Variants in SYNCRIP observed in about 807,000 individuals in gnomAD.
SYNCRIP encodes the protein synaptotagmin binding cytoplasmic RNA interacting protein, also known as heterogeneous nuclear ribonucleoprotein Q.
A neutral mutation model predicts 68.9 loss-of-function variants in SYNCRIP; 9 were observed. The observed-to-expected ratio is 0.13, with a 90% CI of 0.08 to 0.23. The LOEUF (loss-of-function observed/expected upper bound fraction) is 0.23, where lower values mean the gene tolerates loss of function less well. Among genes scored for constraint, SYNCRIP ranks in the 10% least tolerant of loss-of-function variants. The probability of loss-of-function intolerance (pLI) is 1.00; values close to 1 mark genes in which losing one functional copy is unlikely to be tolerated. For synonymous variants in SYNCRIP, 258 were observed against 254.0 expected (o/e 1.02, Z -0.15); for missense variants, 414 against 770.6 (o/e 0.54, Z 5.48).
chr6:85,629,732 G>T (rs1368648449), intron 6 of SYNCRIP, among the ~76,000 whole-genome samples: 1 of 152,090 alleles, frequency 6.6e-6, no homozygotes, highest in Non-Finnish European at 1.5e-5. Context: ...TGAGGCAGAA[G>T]AATCGCTTGA....
intron 4 of SYNCRIP, among the ~76,000 whole-genome samples, chr6:85,640,000 T>C (rs1019396031): frequency 1.3e-5 from 2 of 152,156 alleles, no homozygotes; most frequent in Non-Finnish European, 2.9e-5. Flanking sequence ...GGACTACCAA[T>C]AGAACAGATT....
downstream of SYNCRIP, among the ~76,000 whole-genome samples, chr6:85,613,596 A>T (rs116637720): frequency 5.0e-3 from 761 of 152,320 alleles, 3 homozygotes; most frequent in African/African-American, 0.017. Flanking sequence ...AAACTATTAG[A>T]TCTTTAATAC....
rs1809126125 is a variant in SYNCRIP at position 85,641,399 on chromosome 6, G to A, written c.41C>T (p.Pro14Leu). 6 of 1,613,546 alleles carry A rather than the reference G, an allele frequency of 3.7e-6. No individual in the cohort carries two copies. Among genetic ancestry groups the A allele is most frequent in the Middle Eastern group, 1.7e-4 (1 of 5,848 alleles). ...EHVNGNGTEEPMDTTSAVIHS... is the reference protein window; with the variant it reads ...EHVNGNGTEELMDTTSAVIHS... ...GATAACTGCAGAAGTAGTATCCATG[G>A]GCTCTTCAGTACCATTTCCATTAAC... Residue 14 changes from proline to leucine, a missense_variant, in exon 2 of 11, where the codon CCC (proline) becomes CTC (leucine). Physicochemically the swap from Pro to Leu is moderately conservative, Grantham distance 98 (BLOSUM62 -3). Transcript: ENST00000369622.
At chr6:85,631,600 CGAA>C (rs1304022814) in intron 6 of SYNCRIP, among the ~76,000 whole-genome samples, 3 of 152,090 alleles carry the variant, frequency 2.0e-5, no homozygotes, top group Non-Finnish European at 2.9e-5. Flanking sequence ...GTAGTAGCAG[CGAA>C]GAAGATAAAA....
chr6:85,611,967 C>CT (rs1562067761), downstream of SYNCRIP: 1 of 152,310 alleles, frequency 6.6e-6, no homozygotes, highest in African/African-American at 2.4e-5. Flanking sequence ...TTCGGATGCA[C>CT]TTTTTTGAAC....
chr6:85,623,906 T>C (rs934557306), intron 7 of SYNCRIP, 71 bp downstream of exon 7: 9 of 1,560,944 alleles, frequency 5.8e-6, no homozygotes, highest in Admixed American at 1.7e-5. Context: ...GAACAATGCA[T>C]GACGCACAGA....
intron 10 of SYNCRIP, among the ~76,000 whole-genome samples, chr6:85,617,102 G>A (rs1402191168): frequency 1.3e-5 from 2 of 151,456 alleles, no homozygotes; most frequent in East Asian, 3.9e-4. Flanking sequence ...GTTGACTTCT[G>A]AGCCTCAGTT....
At chr6:85,630,149 C>G (rs1328652053) in intron 6 of SYNCRIP, among the ~76,000 whole-genome samples, 1 of 151,978 alleles carries the variant, frequency 6.6e-6, no homozygotes, top group Non-Finnish European at 1.5e-5. Context: ...ATCACGAGGT[C>G]AGGAGATAGA....
At chr6:85,623,583 A>AAAAAACAAAAAAC (rs1562087872) in intron 7 of SYNCRIP, among the ~76,000 whole-genome samples, 1 of 143,892 alleles carries the variant, frequency 6.9e-6, no homozygotes, top group African/African-American at 2.5e-5. Flanking sequence ...AAAAAAAAAA[A>AAAAAACAAAAAAC]CACTCTGCTA....
At chr6:85,638,672 G>C (rs544609991) in intron 4 of SYNCRIP, among the ~76,000 whole-genome samples, 91 of 152,216 alleles carry the variant, frequency 6.0e-4, no homozygotes, top group African/African-American at 2.1e-3. Flanking sequence ...GAAAAATACT[G>C]TAATTAATAA....
downstream of SYNCRIP, chr6:85,609,746 CTG>C (rs1012457462): frequency 1.3e-5 from 2 of 151,948 alleles, no homozygotes; most frequent in African/African-American, 4.8e-5. Context: ...AATCTTGCGT[CTG>C]TTTTGGTTAG....
At chr6:85,624,206 A>G (rs750447684) in intron 6 of SYNCRIP, 94 bp from the exon 7 acceptor site, 17 of 1,272,800 alleles carry the variant, frequency 1.3e-5, no homozygotes, top group Non-Finnish European at 1.9e-5. Context: ...CATCCTTTAA[A>G]AAGTAGTTTA....
intron 6 of SYNCRIP, among the ~76,000 whole-genome samples, chr6:85,635,523 A>C (rs1451226175): frequency 6.6e-6 from 1 of 152,112 alleles, no homozygotes; most frequent in Non-Finnish European, 1.5e-5. Context: ...CAATCCCAGC[A>C]CTTTGCGGGG....
At chr6:85,612,805 A>G (rs1256383368), downstream of SYNCRIP, 3 of 1,506,844 alleles carry the variant, frequency 2.0e-6, no homozygotes, top group African/African-American at 2.8e-5. Context: ...TACAGCCGAC[A>G]TATTTAAGGT....
intron 6 of SYNCRIP, among the ~76,000 whole-genome samples, chr6:85,629,649 C>T (rs1807482423): frequency 6.6e-6 from 1 of 151,920 alleles, no homozygotes; most frequent in Non-Finnish European, 1.5e-5. Context: ...TGGTGAAACC[C>T]CATCTCTACT....
chr6:85,622,715 A>T (rs750252964), intron 7 of SYNCRIP, 28 bp from the exon 8 acceptor site: 2 of 1,560,326 alleles, frequency 1.3e-6, no homozygotes, highest in Admixed American at 3.4e-5. Flanking sequence ...TTCCAGGAAA[A>T]TTAGATGAAA....
chr6:85,639,248 C>A (rs1007997217), intron 4 of SYNCRIP, among the ~76,000 whole-genome samples: 1 of 151,870 alleles, frequency 6.6e-6, no homozygotes, highest in South Asian at 2.1e-4. Flanking sequence ...TTAAGCCACC[C>A]CCTTGCAAAA....
intron 6 of SYNCRIP, among the ~76,000 whole-genome samples, chr6:85,633,812 T>C (rs1277742758): frequency 6.6e-6 from 1 of 152,130 alleles, no homozygotes; most frequent in African/African-American, 2.4e-5. Context: ...GCTAATCTGT[T>C]ACTTTTTGGT....
intron 6 of SYNCRIP, among the ~76,000 whole-genome samples, chr6:85,629,830 CA>C (rs937936105): frequency 6.6e-6 from 1 of 150,710 alleles, no homozygotes; most frequent in African/African-American, 2.4e-5. Context: ...CAAAACAAAA[CA>C]AAATTAGTCA....
Sources: allele counts gnomAD v4.1 joint callset (sites outside exome capture counted in the v4.1 genomes callset), GRCh38; gene constraint gnomAD v4.1.1; transcripts MANE v1.5; gene names NCBI Gene and HGNC (gene_info 2026-07-23, HGNC 2026-07-21).